The following ANO1 variants were observed in gnomAD, a reference collection of about 807,000 sequenced individuals.
ANO1 encodes the protein anoctamin-1.
ANO1 carries 59 observed loss-of-function variants against 124.0 expected under a neutral mutation model. That is an observed-to-expected ratio of 0.48 (90% CI 0.39 to 0.59). The LOEUF (loss-of-function observed/expected upper bound fraction) is 0.59. ANO1 is among the 20% of genes least tolerant of loss of function. The probability of loss-of-function intolerance (pLI) is 0.00; values close to 1 mark genes in which losing one functional copy is unlikely to be tolerated. For missense variants in ANO1, 1,059 were observed against 1,328.0 expected (o/e 0.80, Z 3.15); for synonymous variants, 529 against 532.0 (o/e 0.99, Z 0.08).
At position 70,087,919 on chromosome 11, in the gene ANO1, T is replaced by C; in HGVS notation, c.276T>C (p.Ala92=). Residue 92 remains alanine, a synonymous_variant, in exon 2 of 26, where the codon GCT becomes GCC. Coordinates refer to ENST00000355303, the MANE Select transcript of ANO1 (RefSeq NM_018043.7). ...AGCACAGCGACACCCCCTCTGGGGC[T>C]CGCAGCGTCAAGCAGGACCACCCCC... is the stretch of plus-strand genomic sequence containing the variant. The part of the protein sequence containing the change: ...RVQHSDTPSG[A]RSVKQDHPLP... The C allele has an allele frequency of 1.2e-6, 2 of 1,609,028 alleles. No individual in the cohort carries two copies. Among genetic ancestry groups the C allele is most frequent in the Non-Finnish European group, 1.7e-6 (2 of 1,178,138 alleles).
In ANO1 at chr11:70,157,031, A is replaced by C. The variant is rs2047841324; in HGVS notation, c.1578+10A>C. The C allele has an allele frequency of 6.2e-7, 1 of 1,611,784 alleles. No individual in the cohort carries two copies. The highest frequency in any genetic ancestry group is 1.6e-4 in the Middle Eastern group (1 of 6,062). On this transcript the variant is annotated intron_variant, in intron 16 of 25. Coordinates refer to ENST00000355303, the MANE Select transcript of ANO1 (RefSeq NM_018043.7). ...CTCCATCATCTTCATGGTAAGTTCCAGAAGGTTAAGGCCAGACGAAGTCAG... is the reference window on the plus strand; with the variant it reads ...CTCCATCATCTTCATGGTAAGTTCCCGAAGGTTAAGGCCAGACGAAGTCAG...
At chr11:70,106,039 A>T (rs2135375815) in intron 5 of ANO1, among the ~76,000 whole-genome samples, 1 of 152,224 alleles carries the variant, frequency 6.6e-6, no homozygotes, top group East Asian at 1.9e-4. Flanking sequence ...AGACCCCTGG[A>T]GTGATTTCAA....
Position 70,033,687 on chromosome 11 carries a change from A to G in ANO1, c.59-44855A>G, listed in dbSNP as rs1390109393. On this transcript the variant is annotated intron_variant, in intron 1 of 27. Coordinates refer to the ANO1 transcript ENST00000531349. ...CTGCCTTCAAGGAACTCACAGATGT[A>G]TAGAGCAGGGGATGGCAAACTCCCA... is the stretch of plus-strand genomic sequence containing the variant. Among the ~76,000 whole-genome samples, 3 of 152,172 alleles carry G rather than the reference A, an allele frequency of 2.0e-5. No homozygotes were observed. The East Asian group carries it at 5.9e-4, about 30-fold the overall frequency.
At chr11:70,161,065 A>G in intron 16 of ANO1, 96 bp from the exon 17 acceptor site, 5 of 1,136,426 alleles carry the variant, frequency 4.4e-6, no homozygotes, top group Non-Finnish European at 6.1e-6. Context: ...AAGAGCGGGA[A>G]GGTTGGGGGA....
intron 1 of ANO1, among the ~76,000 whole-genome samples, chr11:70,006,553 T>C (rs1055151450): frequency 3.3e-5 from 4 of 122,186 alleles, no homozygotes; most frequent in Non-Finnish European, 7.3e-5. Context: ...TTTCTTCCTT[T>C]CTTTCTTTCT....
intron 14 of ANO1, among the ~76,000 whole-genome samples, chr11:70,155,526 G>T (rs181271923): frequency 3.3e-5 from 5 of 152,176 alleles, no homozygotes; most frequent in African/African-American, 4.8e-5. Flanking sequence ...CCTAATTGGC[G>T]GATGTGCTTG....
At chr11:70,098,161 A>G (rs898428919) in intron 2 of ANO1, among the ~76,000 whole-genome samples, 1 of 152,222 alleles carries the variant, frequency 6.6e-6, no homozygotes, top group African/African-American at 2.4e-5. Context: ...GGGTCAGAAG[A>G]GTCCTGTGCC....
In ANO1 at chr11:70,078,734, A is replaced by G; in HGVS notation, c.108+20A>G. ...GGCACGGTGAGTGCGGGCGGCCGCGACCCGGGCGGGAGGGCCGCGCACCTG... is the reference window on the plus strand; with the variant it reads ...GGCACGGTGAGTGCGGGCGGCCGCGGCCCGGGCGGGAGGGCCGCGCACCTG... On this transcript the variant is annotated intron_variant, in intron 1 of 25. Coordinates refer to ENST00000355303, the MANE Select transcript of ANO1 (RefSeq NM_018043.7). 1 of 1,434,018 alleles carries G rather than the reference A, an allele frequency of 7.0e-7. No homozygotes were observed. Among genetic ancestry groups the G allele is most frequent in the Non-Finnish European group, 9.3e-7 (1 of 1,076,262 alleles). The allele number at this position is 1,434,018 out of a possible 1,614,324, so 88.8% of individuals were successfully genotyped here. A position where few individuals can be genotyped will look rare whatever the true frequency, so the allele number is the denominator to read the frequency against.
At chr11:70,028,152 G>T (rs1565164269) in intron 1 of ANO1, among the ~76,000 whole-genome samples, 1 of 152,200 alleles carries the variant, frequency 6.6e-6, no homozygotes, top group Non-Finnish European at 1.5e-5. Flanking sequence ...AAATCTGTCA[G>T]GTGTGACCCG....
At chr11:70,012,707 C>T (rs1856622114) in intron 1 of ANO1, among the ~76,000 whole-genome samples, 1 of 151,990 alleles carries the variant, frequency 6.6e-6, no homozygotes, top group South Asian at 2.1e-4. Context: ...ATCCATCCAT[C>T]CATCCATTAT....
chr11:70,093,715 G>A (rs183728816), intron 2 of ANO1, among the ~76,000 whole-genome samples: 2 of 152,234 alleles, frequency 1.3e-5, no homozygotes, highest in Non-Finnish European at 2.9e-5. Flanking sequence ...CCCCGTAGTG[G>A]GTGGGGCTGT....
intron 2 of ANO1, among the ~76,000 whole-genome samples, chr11:70,089,396 CT>C: frequency 6.6e-6 from 1 of 152,274 alleles, no homozygotes; most frequent in South Asian, 2.1e-4. Context: ...ATTAGGGAAC[CT>C]GGAGTGGAAA....
intron 1 of ANO1, among the ~76,000 whole-genome samples, chr11:70,044,449 C>T (rs1857227715): frequency 6.6e-6 from 1 of 152,040 alleles, no homozygotes; most frequent in African/African-American, 2.4e-5. Context: ...GAAGGTGCTA[C>T]CATGGGCCAG....
intron 24 of ANO1, among the ~76,000 whole-genome samples, chr11:70,183,089 A>G (rs2048990760): frequency 6.6e-6 from 1 of 152,218 alleles, no homozygotes; most frequent in African/African-American, 2.4e-5. Flanking sequence ...AGCCTGGGCA[A>G]CAGAGTGAGA....
chr11:70,133,483 C>T (rs1426516522), intron 11 of ANO1, among the ~76,000 whole-genome samples: 1 of 152,176 alleles, frequency 6.6e-6, no homozygotes, highest in East Asian at 1.9e-4. Context: ...GGGTCTCTGG[C>T]CTGCACAGAA....
At chr11:70,061,324 C>A (rs1193340733) in intron 1 of ANO1, among the ~76,000 whole-genome samples, 24 of 152,200 alleles carry the variant, frequency 1.6e-4, no homozygotes, top group African/African-American at 5.8e-4. Context: ...GAAAAGAAAG[C>A]AGATCATGAG....
intron 5 of ANO1, among the ~76,000 whole-genome samples, chr11:70,106,505 A>T (rs1298574778): frequency 6.6e-6 from 1 of 152,164 alleles, no homozygotes; most frequent in Non-Finnish European, 1.5e-5. Context: ...CCTCATGACC[A>T]CCACCTGAGA....
chr11:70,009,852 G>C (rs1397292490), intron 1 of ANO1, among the ~76,000 whole-genome samples: 1 of 152,010 alleles, frequency 6.6e-6, no homozygotes, highest in Non-Finnish European at 1.5e-5. Context: ...GGTGATTTCT[G>C]ATATTTTGGT....
intron 7 of ANO1, among the ~76,000 whole-genome samples, chr11:70,115,213 C>A (rs565726214): frequency 6.6e-6 from 1 of 152,280 alleles, no homozygotes; most frequent in East Asian, 1.9e-4. Context: ...AAGTCGTCCC[C>A]ACCTGGCAGG....
Sources: gnomAD v4.1 joint callset for allele counts (sites outside exome capture counted in the v4.1 genomes callset) on GRCh38, gnomAD v4.1.1 for gene constraint, MANE v1.5 for transcripts, NCBI Gene and HGNC (gene_info 2026-07-23, HGNC 2026-07-21) for gene names.